Variants in PDLIM4 observed in about 807,000 individuals in gnomAD.
PDLIM4 encodes PDZ and LIM domain 4.
A neutral mutation model predicts 31.3 loss-of-function variants in PDLIM4; 19 were observed. The observed-to-expected ratio is 0.61, with a 90% CI of 0.42 to 0.89. PDLIM4 has a LOEUF of 0.89. Among genes scored for constraint, PDLIM4 ranks in the 40% least tolerant of loss-of-function variants. The pLI is 0.00. For missense variants in PDLIM4, 442 were observed against 461.1 expected (o/e 0.96, Z 0.38); for synonymous variants, 176 against 190.1 (o/e 0.93, Z 0.61).
intron 1 of PDLIM4, among the ~76,000 whole-genome samples, chr5:132,260,695 A>G (rs1028981896): frequency 7.2e-5 from 11 of 152,212 alleles, no homozygotes; most frequent in Admixed American, 2.0e-4. Context: ...ATCTTGATTC[A>G]GTCTTTTATC....
rs960149628 is a variant in PDLIM4 at position 132,272,967 on chromosome 5, GAAAGA to G, written c.*745_*749del. On this transcript the variant is annotated 3_prime_UTR_variant, in exon 7 of 7. Coordinates refer to ENST00000253754, the MANE Select transcript of PDLIM4 (RefSeq NM_003687.4). ...AGACAGAGACCAGAAGGAAGGTTTA[GAAAGA>G]AAAGAACACTTGCCCAGGGCAGCTT... 2 of 152,550 alleles carry G rather than the reference GAAAGA, an allele frequency of 1.3e-5. No homozygotes were observed. The highest frequency in any genetic ancestry group is 1.5e-5 in the Non-Finnish European group (1 of 68,270). 9.4% of individuals were successfully genotyped at this position (152,550 alleles called of 1,614,324 possible). A position where few individuals can be genotyped will look rare whatever the true frequency, so the allele number is the denominator to read the frequency against.
At chr5:132,266,591 A>G in intron 3 of PDLIM4, 46 bp downstream of exon 3, 2 of 1,303,358 alleles carry the variant, frequency 1.5e-6, no homozygotes, top group Middle Eastern at 1.9e-4. Flanking sequence ...GAGTGAGCCC[A>G]GGGCAGAGGG....
chr5:132,257,792 G>T lies in PDLIM4; in HGVS notation c.58G>T (p.Gly20Cys). The change falls in exon 1 of 7, where the codon GGC (glycine) becomes TGC (cysteine). Residue 20 changes from glycine to cysteine, a missense_variant. Physicochemically the swap from Gly to Cys is radical, Grantham distance 159. Coordinates refer to ENST00000253754, the MANE Select transcript of PDLIM4 (RefSeq NM_003687.4). The surrounding 1 kb of genome is among the most constrained non-coding windows in gnomAD (Gnocchi z 4.3). ...PSPWGFRLVG[G>C]RDFSAPLTIS... ...GCCCTGGGGCTTCCGCCTGGTGGGC[G>T]GCCGGGACTTCAGCGCGCCCCTCAC... 8.0e-6 allele frequency: 12 copies of T among 1,505,222 alleles called. No homozygotes were observed. Among genetic ancestry groups the T allele is most frequent in the Non-Finnish European group, 1.1e-5 (12 of 1,131,508 alleles). 93.2% of individuals were successfully genotyped at this position (1,505,222 alleles called of 1,614,324 possible).
In PDLIM4 at chr5:132,272,518, T is replaced by G; in HGVS notation, c.*289T>G. The stretch of plus-strand genomic sequence containing the variant: ...GACCTGAATCACAACGGGCCAGCTC[T>G]AGTAATACGAAGGTGAGGTCTGGGA... On this transcript the variant is annotated 3_prime_UTR_variant, in exon 7 of 7. Transcript: ENST00000253754. The G allele has an allele frequency of 4.1e-6, 2 of 484,354 alleles. No homozygotes were observed. The highest frequency in any genetic ancestry group is 7.6e-6 in the Non-Finnish European group (2 of 262,388). 30.0% of individuals were successfully genotyped at this position (484,354 alleles called of 1,614,324 possible).
rs1342964445 is a variant in PDLIM4 at position 132,272,131 on chromosome 5, C to T, written c.895C>T (p.Arg299Trp). Residue 299 changes from arginine to tryptophan, a missense_variant, in exon 7 of 7, where the codon CGG (arginine) becomes TGG (tryptophan). Coordinates refer to ENST00000253754, the MANE Select transcript of PDLIM4 (RefSeq NM_003687.4). Reference protein sequence around the residue: ...KQRGYFFLDERLYCESHAKAR... With the variant: ...KQRGYFFLDEWLYCESHAKAR... Reference sequence around the variant, plus strand: ...GCGTGGTTACTTCTTTCTGGACGAGCGGCTCTACTGTGAGAGCCACGCCAA... The same window carrying T: ...GCGTGGTTACTTCTTTCTGGACGAGTGGCTCTACTGTGAGAGCCACGCCAA... The T allele has an allele frequency of 1.2e-6, 2 of 1,614,160 alleles. No homozygotes were observed. Among genetic ancestry groups the T allele is most frequent in the Admixed American group, 1.7e-5 (1 of 60,036 alleles).
At position 132,271,838 on chromosome 5, in the gene PDLIM4, A is replaced by G; in HGVS notation, c.718A>G (p.Ser240Gly). Residue 240 changes from serine to glycine, a missense_variant, in exon 6 of 7, where the codon AGC becomes GGC. Transcript: ENST00000253754. ...GGPRNLKPTA[S>G]KLGAPLSGLQ... ...CCCCCGGAACCTCAAGCCCACGGCC[A>G]GCAAGCTGGGCGCTCCGCTGAGCGG... The G allele has an allele frequency of 6.2e-7, 1 of 1,612,906 alleles. No individual in the cohort carries two copies. The highest frequency in any genetic ancestry group is 8.5e-7 in the Non-Finnish European group (1 of 1,179,672).
intron 1 of PDLIM4, among the ~76,000 whole-genome samples, chr5:132,259,377 G>C (rs1017829872): frequency 6.6e-6 from 1 of 152,154 alleles, no homozygotes; most frequent in Non-Finnish European, 1.5e-5. Flanking sequence ...ACACGTCACA[G>C]CTGCGGCTGC....
chr5:132,263,692 G>A (rs997315857), intron 2 of PDLIM4, among the ~76,000 whole-genome samples: 3 of 152,208 alleles, frequency 2.0e-5, no homozygotes, highest in African/African-American at 7.2e-5. Context: ...ATGACCCCCT[G>A]TGGAAGTACG....
At position 132,272,585 on chromosome 5, in the gene PDLIM4, G is replaced by A. The variant is rs1353582618; in HGVS notation, c.*356G>A. 3 of 346,594 alleles carry A rather than the reference G, an allele frequency of 8.7e-6. No homozygotes were observed. The highest frequency in any genetic ancestry group is 4.0e-5 in the Admixed American group (1 of 24,958). The allele number at this position is 346,594 out of a possible 1,614,324, so 21.5% of individuals were successfully genotyped here. On this transcript the variant is annotated 3_prime_UTR_variant, in exon 7 of 7. Coordinates refer to ENST00000253754, the MANE Select transcript of PDLIM4 (RefSeq NM_003687.4). The stretch of plus-strand genomic sequence containing the variant: ...ACGACAGGAGGTATGACCTGGGTGG[G>A]GTCAGGGAAAGTCTTAGCTGAGAAC...
At chr5:132,267,623 G>A (rs1756519438) in intron 3 of PDLIM4, among the ~76,000 whole-genome samples, 1 of 152,188 alleles carries the variant, frequency 6.6e-6, no homozygotes, top group Non-Finnish European at 1.5e-5. Flanking sequence ...GAATGGTAAG[G>A]CAGGCAAAGG....
chr5:132,271,801 C>A lies in PDLIM4; in HGVS notation c.681C>A (p.Pro227=), dbSNP rs162884. 1.2e-6 allele frequency: 2 copies of A among 1,608,154 alleles called. No individual in the cohort carries two copies. The highest frequency in any genetic ancestry group is 1.7e-6 in the Non-Finnish European group (2 of 1,175,144). ...CGCTCCGGGTTTCAGGGGATTGGCC[C>A]GGGCCTGGCGGCCCCCGGAACCTCA... ...MLEAGEGGDW[P]GPGGPRNLKP... is the part of the protein sequence containing the mutation. Residue 227 remains proline, a synonymous_variant, in exon 6 of 7, where the codon CCC becomes CCA. Transcript: ENST00000253754.
chr5:132,261,186 AG>A (rs1756365818), intron 1 of PDLIM4, among the ~76,000 whole-genome samples: 1 of 150,930 alleles, frequency 6.6e-6, no homozygotes, highest in Non-Finnish European at 1.5e-5. Flanking sequence ...GATGGCCTTG[AG>A]GGGAGGGTGG....
At position 132,271,919 on chromosome 5, in the gene PDLIM4, GC is replaced by G. The variant is rs1561524376; in HGVS notation, c.788+16del. On this transcript the variant is annotated intron_variant, in intron 6 of 6. Transcript: ENST00000253754. ...CGGCCACGGCATCGTGTGAGTAACCGCCCCCGCTGCCCCTCCCGGACCCTAG... is the reference window on the plus strand; with the variant it reads ...CGGCCACGGCATCGTGTGAGTAACCGCCCCGCTGCCCCTCCCGGACCCTAG... The G allele has an allele frequency of 5.7e-6, 9 of 1,592,050 alleles. No individual in the cohort carries two copies. Among genetic ancestry groups the G allele is most frequent in the Non-Finnish European group, 7.7e-6 (9 of 1,162,460 alleles).
Position 132,272,295 on chromosome 5 carries a change from C to G in PDLIM4, c.*66C>G. On this transcript the variant is annotated 3_prime_UTR_variant, in exon 7 of 7. Transcript: ENST00000253754. Reference sequence around the variant, plus strand: ...CTCGGCCGGTGTAAATATGTTTCACCCTGTCCCTCTAATAAAGCTCCTCTG... The same window carrying G: ...CTCGGCCGGTGTAAATATGTTTCACGCTGTCCCTCTAATAAAGCTCCTCTG... 2 of 1,332,702 alleles carry G rather than the reference C, an allele frequency of 1.5e-6. No individual in the cohort carries two copies. The highest frequency in any genetic ancestry group is 2.4e-5 in the East Asian group (1 of 42,166). The allele number at this position is 1,332,702 out of a possible 1,614,324, so 82.6% of individuals were successfully genotyped here. A position where few individuals can be genotyped will look rare whatever the true frequency, so the allele number is the denominator to read the frequency against.
In PDLIM4 at chr5:132,272,447, G is replaced by A. The variant is rs1561524769; in HGVS notation, c.*218G>A. Reference sequence around the variant, plus strand: ...CTCTGGGTGCAGTAGTGAGCAGGACGGGTACCATGCTGCCCTGAAGGGGGC... The same window carrying A: ...CTCTGGGTGCAGTAGTGAGCAGGACAGGTACCATGCTGCCCTGAAGGGGGC... On this transcript the variant is annotated 3_prime_UTR_variant, in exon 7 of 7. Transcript: ENST00000253754. The A allele has an allele frequency of 5.1e-6, 3 of 584,878 alleles. No homozygotes were observed. Among genetic ancestry groups the A allele is most frequent in the Middle Eastern group, 4.0e-4 (1 of 2,486 alleles). The allele number at this position is 584,878 out of a possible 1,614,324, so 36.2% of individuals were successfully genotyped here.
In PDLIM4 at chr5:132,273,383, G is replaced by A. The variant is rs1756675183; in HGVS notation, c.*1154G>A. 6.6e-6 allele frequency: 1 copy of A among 152,144 alleles called. No individual in the cohort carries two copies. Among genetic ancestry groups the A allele is most frequent in the Non-Finnish European group, 1.5e-5 (1 of 68,036 alleles). 9.4% of individuals were successfully genotyped at this position (152,144 alleles called of 1,614,324 possible). A position where few individuals can be genotyped will look rare whatever the true frequency, so the allele number is the denominator to read the frequency against. Reference sequence around the variant, plus strand: ...GACCCATTTCCTTGTGCTCCTGCCAGCTCAGGATATTATGTTTCTTTTTTC... The same window carrying A: ...GACCCATTTCCTTGTGCTCCTGCCAACTCAGGATATTATGTTTCTTTTTTC... On this transcript the variant is annotated 3_prime_UTR_variant, in exon 7 of 7. Transcript: ENST00000253754.
intron 3 of PDLIM4, among the ~76,000 whole-genome samples, chr5:132,267,251 A>G (rs140906630): frequency 6.6e-6 from 1 of 152,322 alleles, no homozygotes; most frequent in Non-Finnish European, 1.5e-5. Flanking sequence ...CATGGGACCC[A>G]GCATGTGGGA....
intron 1 of PDLIM4, among the ~76,000 whole-genome samples, chr5:132,261,222 C>A (rs114546812): frequency 6.6e-6 from 1 of 152,118 alleles, no homozygotes; most frequent in East Asian, 1.9e-4. Context: ...GGTGTCTCCC[C>A]CAGGATGACA....
intron 2 of PDLIM4, among the ~76,000 whole-genome samples, chr5:132,264,743 C>G (rs367838160): frequency 5.3e-5 from 8 of 151,962 alleles, no homozygotes; most frequent in African/African-American, 1.9e-4. Flanking sequence ...TGGCCCCCAA[C>G]GACACTCCTC....
Sources: allele counts gnomAD v4.1 joint callset (sites outside exome capture counted in the v4.1 genomes callset), GRCh38; gene constraint gnomAD v4.1.1; non-coding constraint Gnocchi (gnomAD v3.1); transcripts MANE v1.5; gene names NCBI Gene and HGNC (gene_info 2026-07-23, HGNC 2026-07-21).